Variants in YES1 observed in about 807,000 individuals in gnomAD.
The protein encoded by YES1 is tyrosine-protein kinase Yes.
In YES1, 39 loss-of-function variants were observed where a neutral mutation model predicts 70.4. That is an observed-to-expected ratio of 0.55 (90% CI 0.43 to 0.72). YES1 has a LOEUF of 0.72. Among genes scored for constraint, YES1 ranks in the 30% least tolerant of loss-of-function variants. YES1 has a pLI of 0.00. For synonymous variants in YES1, 198 were observed against 218.6 expected (o/e 0.91, Z 0.83); for missense variants, 495 against 644.8 (o/e 0.77, Z 2.52).
At chr18:786,943 G>C (rs998018263) in intron 1 of YES1, among the ~76,000 whole-genome samples, 5 of 152,042 alleles carry the variant, frequency 3.3e-5, no homozygotes, top group Non-Finnish European at 7.4e-5. Flanking sequence ...AGGAGGAATG[G>C]TTCAGTCTTT....
intron 9 of YES1, 33 bp from the exon 10 acceptor site, chr18:736,994 T>C (rs2145690638): frequency 6.4e-7 from 1 of 1,564,150 alleles, no homozygotes; most frequent in Non-Finnish European, 8.7e-7. Flanking sequence ...ACACAAGACA[T>C]ACGATACAAA....
chr18:733,810 A>AAAAAAG (rs1215949876), intron 10 of YES1, among the ~76,000 whole-genome samples: 1 of 142,758 alleles, frequency 7.0e-6, no homozygotes, highest in Non-Finnish European at 1.5e-5. Flanking sequence ...AAAAAAAAAA[A>AAAAAAG]GCATGGCTTT....
chr18:810,301 G>A (rs771257492), intron 1 of YES1, among the ~76,000 whole-genome samples: 4 of 152,038 alleles, frequency 2.6e-5, no homozygotes, highest in African/African-American at 7.2e-5. Flanking sequence ...TACATACCAT[G>A]AAGAAATTTT....
intron 1 of YES1, among the ~76,000 whole-genome samples, chr18:784,223 T>C (rs553828923): frequency 1.3e-5 from 2 of 152,342 alleles, no homozygotes; most frequent in South Asian, 2.1e-4. Flanking sequence ...GTTTTCTATA[T>C]GCTCACCATA....
intron 1 of YES1, among the ~76,000 whole-genome samples, chr18:780,071 T>C (rs2145794846): frequency 6.6e-6 from 1 of 152,136 alleles, no homozygotes; most frequent in African/African-American, 2.4e-5. Flanking sequence ...TTGTCTCTAC[T>C]AAAAATACAA....
At chr18:783,669 T>C (rs903763127) in intron 1 of YES1, among the ~76,000 whole-genome samples, 2 of 151,354 alleles carry the variant, frequency 1.3e-5, no homozygotes, top group South Asian at 4.2e-4. Context: ...CAGGCTGGAG[T>C]GCAATGGTGC....
chr18:786,531 ACAC>A (rs1905955970), intron 1 of YES1, among the ~76,000 whole-genome samples: 1 of 151,220 alleles, frequency 6.6e-6, no homozygotes, highest in Non-Finnish European at 1.5e-5. Flanking sequence ...ACACACACAC[ACAC>A]ACAGAGTTGC....
intron 2 of YES1, 139 bp downstream of exon 2, chr18:756,418 T>G: frequency 8.5e-7 from 1 of 1,182,906 alleles, no homozygotes; most frequent in Non-Finnish European, 1.2e-6. Context: ...AATTTTTATG[T>G]TAGAGACTGA....
chr18:748,364 T>TC (rs1463027255), intron 3 of YES1, among the ~76,000 whole-genome samples: 4 of 151,228 alleles, frequency 2.6e-5, no homozygotes, highest in East Asian at 3.9e-4. Context: ...TCTTTTCTTT[T>TC]TTTTTTTTTT....
rs1481596527 is a variant in YES1 at position 756,604 on chromosome 18, G to A, written c.224C>T (p.Ser75Phe). The A allele has an allele frequency of 2.5e-6, 4 of 1,614,170 alleles. No individual in the cohort carries two copies. Among genetic ancestry groups the A allele is most frequent in the Non-Finnish European group, 3.4e-6 (4 of 1,180,038 alleles). The change falls in exon 2 of 12, where the codon TCT (serine) becomes TTT (phenylalanine). Residue 75 changes from serine to phenylalanine, a missense_variant. Coordinates refer to ENST00000314574, the MANE Select transcript of YES1 (RefSeq NM_005433.4). Reference protein sequence around the residue: ...SSGVTPFGGASSSFSVVPSSY... With the variant: ...SSGVTPFGGAFSSFSVVPSSY... Reference sequence around the variant, plus strand: ...ACTTGGCACCACTGAAAATGAGGAAGATGCACCTCCAAAAGGCGTTACCCC... The same window carrying A: ...ACTTGGCACCACTGAAAATGAGGAAAATGCACCTCCAAAAGGCGTTACCCC...
rs1426984573 is a variant in YES1 at position 722,761 on chromosome 18, C to G, written c.*1663G>C. 6.6e-6 allele frequency: 1 copy of G among 152,088 alleles called. No individual in the cohort carries two copies. The allele number at this position is 152,088 out of a possible 1,614,324, so 9.4% of individuals were successfully genotyped here. A position where few individuals can be genotyped will look rare whatever the true frequency, so the allele number is the denominator to read the frequency against. Reference sequence around the variant, plus strand: ...CCCCAAATCAACCATTTAATGTATTCTAAAAGGGAAAAAATGACCACCATT... The same window carrying G: ...CCCCAAATCAACCATTTAATGTATTGTAAAAGGGAAAAAATGACCACCATT... On this transcript the variant is annotated 3_prime_UTR_variant, in exon 12 of 12. Coordinates refer to ENST00000314574, the MANE Select transcript of YES1 (RefSeq NM_005433.4).
At position 747,238 on chromosome 18, in the gene YES1, G is replaced by A. The variant is rs557427987; in HGVS notation, c.470+682C>T. Among the ~76,000 whole-genome samples the A allele has an allele frequency of 7.5e-4, 114 of 152,372 alleles. 2 individuals carry two copies. In the South Asian group the frequency reaches 0.022, roughly 30 times the overall value. ...TGATCCTAGCACTTTGGAAGGCTGA[G>A]GCGGGTGGATCACTTGAGGTCAGGA... On this transcript the variant is annotated intron_variant, in intron 4 of 11. Transcript: ENST00000314574.
Position 757,297 on chromosome 18 carries a change from A to ATC in YES1, c.-8-463_-8-462insGA, listed in dbSNP as rs1304038245. ...GGCGGGCGGATCACGAGGTCAGGAGATTGAGACCATCCTGGCTAACACGGT... is the reference window on the plus strand; with the variant it reads ...GGCGGGCGGATCACGAGGTCAGGAGATCTTGAGACCATCCTGGCTAACACGGT... On this transcript the variant is annotated intron_variant, in intron 1 of 11. Transcript: ENST00000314574. Among the ~76,000 whole-genome samples, 6 of 151,576 alleles carry ATC rather than the reference A, an allele frequency of 4.0e-5. No homozygotes were observed. In the East Asian group the frequency reaches 7.8e-4, roughly 20 times the overall value.
At chr18:770,983 GCAATGAAGAGATATCC>G (rs1905126981) in intron 1 of YES1, among the ~76,000 whole-genome samples, 1 of 150,660 alleles carries the variant, frequency 6.6e-6, no homozygotes, top group Admixed American at 6.6e-5. Context: ...TCTGCTCTGG[GCAATGAAGAGATATCC>G]CATCTCAAAA....
Position 809,060 on chromosome 18 carries a change from T to C in YES1, c.-9+3054A>G, listed in dbSNP as rs138077330. Among the ~76,000 whole-genome samples the C allele has an allele frequency of 1.8e-3, 278 of 152,104 alleles. 1 individual carries two copies. Among genetic ancestry groups the C allele is most frequent in the African/African-American group, 6.0e-3 (249 of 41,572 alleles). ...ATTGAGTTTTGAGTTTTAATTGTCA[T>C]GTTATGTAATTTTCAGAAAAACAGA... On this transcript the variant is annotated intron_variant, in intron 1 of 11. Transcript: ENST00000314574.
At chr18:765,237 A>G (rs112339037) in intron 1 of YES1, among the ~76,000 whole-genome samples, 1 of 107,072 alleles carries the variant, frequency 9.3e-6, no homozygotes, top group South Asian at 3.3e-4. Context: ...AGGTTTGGGA[A>G]AGAGTTACAA....
chr18:757,457 C>T (rs371657302), intron 1 of YES1, among the ~76,000 whole-genome samples: 74 of 147,368 alleles, frequency 5.0e-4, no homozygotes, highest in African/African-American at 1.3e-3. Context: ...GAGCAGAGAT[C>T]GCGCCACTGC....
At chr18:772,117 C>T (rs367974335) in intron 1 of YES1, among the ~76,000 whole-genome samples, 2 of 151,980 alleles carry the variant, frequency 1.3e-5, no homozygotes, top group Admixed American at 6.6e-5. Context: ...CAACCTCTGC[C>T]TCCTGGGTTC....
At chr18:808,434 C>T (rs371237554) in intron 1 of YES1, among the ~76,000 whole-genome samples, 1 of 152,182 alleles carries the variant, frequency 6.6e-6, no homozygotes, top group South Asian at 2.1e-4. Context: ...CTACCATAGC[C>T]ATACACGAAC....
Sources: allele counts gnomAD v4.1 joint callset (sites outside exome capture counted in the v4.1 genomes callset), GRCh38; gene constraint gnomAD v4.1.1; transcripts MANE v1.5; gene names NCBI Gene and HGNC (gene_info 2026-07-23, HGNC 2026-07-21).